LIPH: variants seen among roughly 807,000 people sequenced by gnomAD.
LIPH encodes lipase member H.
A neutral mutation model predicts 47.6 loss-of-function variants in LIPH; 32 were observed. The ratio of observed to expected loss-of-function variants is 0.67; its 90% CI spans 0.51 to 0.90. The LOEUF is 0.90. Ranked by LOEUF, LIPH falls within the 40% of genes least tolerant of loss-of-function variation. The pLI is 0.00. For missense variants in LIPH, 497 were observed against 541.4 expected (o/e 0.92, Z 0.81); for synonymous variants, 190 against 195.6 (o/e 0.97, Z 0.24).
At chr3:185,534,099 T>G (rs973109126) in intron 2 of LIPH, among the ~76,000 whole-genome samples, 1 of 152,184 alleles carries the variant, frequency 6.6e-6, no homozygotes, top group Admixed American at 6.6e-5. Flanking sequence ...GGCTCACGCC[T>G]GTAATCCCAG....
At chr3:185,536,843 A>G (rs1577683602) in intron 1 of LIPH, among the ~76,000 whole-genome samples, 3 of 152,168 alleles carry the variant, frequency 2.0e-5, no homozygotes, top group African/African-American at 4.8e-5. Flanking sequence ...TTCTGCTTTC[A>G]TGAAGTTAAA....
rs1013044872 is a variant in LIPH, at chr3:185,523,969, G to A, written c.718+102C>T. 8.9e-5 allele frequency: 68 copies of A among 761,416 alleles called. 1 individual carries two copies. The highest frequency in any genetic ancestry group is 5.9e-5 in the Admixed American group (3 of 50,482). The allele number at this position is 761,416 out of a possible 1,614,324, so 47.2% of individuals were successfully genotyped here. A position where few individuals can be genotyped will look rare whatever the true frequency, so the allele number is the denominator to read the frequency against. ...ACTCCTGACCTCAGGTGATCCACCC[G>A]TCTCGGCCTCCCAAAGTGCTGGGAT... On this transcript the variant is annotated intron_variant, in intron 5 of 9. Coordinates refer to ENST00000296252, the MANE Select transcript of LIPH (RefSeq NM_139248.3).
intron 6 of LIPH, among the ~76,000 whole-genome samples, chr3:185,518,116 T>C (rs1719787591): frequency 6.6e-6 from 1 of 152,082 alleles, no homozygotes; most frequent in Admixed American, 6.5e-5. Flanking sequence ...GGTATTCCTG[T>C]CCCCACAGGA....
Position 185,521,470 on chromosome 3 carries a change from C to T in LIPH, c.719-2161G>A, listed in dbSNP as rs529058558. On this transcript the variant is annotated intron_variant, in intron 5 of 9. Transcript: ENST00000296252. ...GAAGCCTGGTTCTTATGAGCTTCCTCGGTCTGGTACTGTTCAGTGCCAGTA... is the reference window on the plus strand; with the variant it reads ...GAAGCCTGGTTCTTATGAGCTTCCTTGGTCTGGTACTGTTCAGTGCCAGTA... 7.2e-4 allele frequency among the ~76,000 whole-genome samples: 110 copies of T among 152,294 alleles called. 2 individuals are homozygous for T. The highest frequency in any genetic ancestry group is 7.9e-4 in the Non-Finnish European group (54 of 68,038).
At chr3:185,543,182 C>G (rs1233482693) in intron 1 of LIPH, among the ~76,000 whole-genome samples, 1 of 152,114 alleles carries the variant, frequency 6.6e-6, no homozygotes, top group African/African-American at 2.4e-5. Flanking sequence ...GCACTCCAGC[C>G]TGGGCAACAG....
At position 185,514,481 on chromosome 3, in the gene LIPH, A is replaced by G. The variant is rs142603972; in HGVS notation, c.1023T>C (p.Asn341=). 2.9e-5 allele frequency: 45 copies of G among 1,569,650 alleles called. No homozygotes were observed. The African/African-American group carries it at 4.2e-4, about 15-fold the overall frequency. ...YFVDIITWNK[N]VRRGDITIKL... Reference sequence around the variant, plus strand: ...TGATGGTAATGTCCCCTCTTCTTACATTCTTGTTCCATGTTATAATATCCA... The same window carrying G: ...TGATGGTAATGTCCCCTCTTCTTACGTTCTTGTTCCATGTTATAATATCCA... Residue 341 remains asparagine (N), a synonymous_variant, in exon 8 of 10, where the codon AAT becomes AAC. Coordinates refer to ENST00000296252, the MANE Select transcript of LIPH (RefSeq NM_139248.3).
chr3:185,547,580 G>A (rs1236993765), intron 1 of LIPH, among the ~76,000 whole-genome samples: 2 of 152,158 alleles, frequency 1.3e-5, no homozygotes, highest in East Asian at 3.8e-4. Context: ...TTGGGAGGCT[G>A]AGGAGGGTGG....
intron 1 of LIPH, among the ~76,000 whole-genome samples, chr3:185,545,708 CATAAA>C (rs1720849331): frequency 4.6e-5 from 7 of 151,330 alleles, no homozygotes; most frequent in African/African-American, 1.7e-4. Flanking sequence ...ATCCCATCTC[CATAAA>C]ACAAAAAAAC....
intron 4 of LIPH, among the ~76,000 whole-genome samples, chr3:185,525,146 G>A (rs1406117045): frequency 1.3e-5 from 2 of 152,080 alleles, no homozygotes; most frequent in Non-Finnish European, 2.9e-5. Context: ...GCTAGGAGGA[G>A]GAGGGTGCCG....
chr3:185,538,507 C>T (rs746242206), intron 1 of LIPH, among the ~76,000 whole-genome samples: 44 of 152,086 alleles, frequency 2.9e-4, no homozygotes, highest in Non-Finnish European at 5.0e-4. Flanking sequence ...TAAATGCCAA[C>T]AATGGGGGAT....
At chr3:185,533,781 A>G in intron 2 of LIPH, 102 bp from the exon 3 acceptor site, 1 of 741,964 alleles carries the variant, frequency 1.3e-6, no homozygotes, top group Non-Finnish European at 2.4e-6. Context: ...AATTCTAAGC[A>G]CCTTACATCT....
At chr3:185,539,231 T>C (rs1051765105) in intron 1 of LIPH, among the ~76,000 whole-genome samples, 1 of 151,984 alleles carries the variant, frequency 6.6e-6, no homozygotes, top group African/African-American at 2.4e-5. Context: ...CCTCCCAAAG[T>C]GCTGGGATTA....
chr3:185,529,192 AG>A (rs869224848), intron 3 of LIPH, among the ~76,000 whole-genome samples: 14 of 140,544 alleles, frequency 1.0e-4, no homozygotes, highest in East Asian at 4.3e-4. Flanking sequence ...AAAAAAAAAA[AG>A]AAAAAAAGAA....
In LIPH at chr3:185,535,129, G is replaced by A. The variant is rs1720465454; in HGVS notation, c.53C>T (p.Ala18Val). 1.2e-6 allele frequency: 2 copies of A among 1,613,972 alleles called. No individual in the cohort carries two copies. Among genetic ancestry groups the A allele is most frequent in the Non-Finnish European group, 1.7e-6 (2 of 1,180,028 alleles). The change falls in exon 2 of 10, where the codon GCA (alanine) becomes GTA (valine). Residue 18 changes from alanine (A) to valine (V), a missense_variant. Transcript: ENST00000296252. The part of the protein sequence containing the change: ...ISLLCLSRSD[A>V]EETCPSFTRL... The stretch of plus-strand genomic sequence containing the variant: ...GGTGAATGAAGGACATGTTTCTTCT[G>A]CGTCTGAAAATAAAAATTAGATGGC...
chr3:185,522,650 A>AAGAAAAGAAAGAAAG (rs1235808164), intron 5 of LIPH, among the ~76,000 whole-genome samples: 3 of 141,896 alleles, frequency 2.1e-5, no homozygotes, highest in Non-Finnish European at 4.6e-5. Context: ...GAGAGAAAGA[A>AAGAAAAGAAAGAAAG]AAAGAAAGAA....
At chr3:185,523,989 T>C in intron 5 of LIPH, 82 bp downstream of exon 5, 1 of 960,996 alleles carries the variant, frequency 1.0e-6, no homozygotes, top group African/African-American at 1.6e-5. Context: ...CCCAAAGTGC[T>C]GGGATTACAG....
At chr3:185,529,978 G>GAAAGAGAGAAAGAAAGAAAGAA (rs796497732) in intron 3 of LIPH, among the ~76,000 whole-genome samples, 1 of 98,942 alleles carries the variant, frequency 1.0e-5, no homozygotes, top group African/African-American at 3.5e-5. Context: ...AAGAAAGAAA[G>GAAAGAGAGAAAGAAAGAAAGAA]AGAGAGAGAG....
At chr3:185,533,123 C>A (rs778242378) in intron 3 of LIPH, among the ~76,000 whole-genome samples, 6 of 152,196 alleles carry the variant, frequency 3.9e-5, no homozygotes, top group Non-Finnish European at 7.4e-5. Flanking sequence ...CAGTGTTGGC[C>A]CGAAAGCTGA....
intron 1 of LIPH, among the ~76,000 whole-genome samples, chr3:185,551,418 A>G (rs1721045788): frequency 6.6e-6 from 1 of 152,176 alleles, no homozygotes; most frequent in African/African-American, 2.4e-5. Context: ...TTTAAGTTCT[A>G]CTTTTTCTAC....
Sources: allele counts gnomAD v4.1 joint callset (sites outside exome capture counted in the v4.1 genomes callset), GRCh38; gene constraint gnomAD v4.1.1; transcripts MANE v1.5; gene names NCBI Gene and HGNC (gene_info 2026-07-23, HGNC 2026-07-21).